The following GRK3 variants were observed in gnomAD, a reference collection of about 807,000 sequenced individuals.
The protein encoded by GRK3 is G protein-coupled receptor kinase 3.
In GRK3, 54 loss-of-function variants were observed where a neutral mutation model predicts 95.7. The ratio of observed to expected loss-of-function variants is 0.56; its 90% CI spans 0.45 to 0.71. The LOEUF (loss-of-function observed/expected upper bound fraction) is 0.71, where lower values mean the gene tolerates loss of function less well. GRK3 is among the 30% of genes least tolerant of loss of function. The probability of loss-of-function intolerance (pLI) is 0.00; values close to 1 mark genes in which losing one functional copy is unlikely to be tolerated. For synonymous variants in GRK3, 281 were observed against 290.8 expected (o/e 0.97, Z 0.34); for missense variants, 649 against 851.2 (o/e 0.76, Z 2.96).
intron 15 of GRK3, among the ~76,000 whole-genome samples, chr22:25,706,382 G>A (rs1214742672): frequency 6.6e-6 from 1 of 152,070 alleles, no homozygotes; most frequent in Non-Finnish European, 1.5e-5. Context: ...GTGGTGAGCT[G>A]GAGCTCAGCA....
chr22:25,722,206 C>T lies in GRK3; in HGVS notation c.1906-83C>T, dbSNP rs540111286. On this transcript the variant is annotated intron_variant, in intron 20 of 20. Coordinates refer to ENST00000324198, the MANE Select transcript of GRK3 (RefSeq NM_005160.4). ...GTGCTTCCTTCAGGGGTTCCAGGGA[C>T]GCTGGTAATCAATAGGGGCAGCCTC... 107 of 1,503,170 alleles carry T rather than the reference C, an allele frequency of 7.1e-5. 1 individual carries two copies. In the Admixed American group the frequency reaches 1.2e-3, roughly 16 times the overall value. The allele number at this position is 1,503,170 out of a possible 1,614,324, so 93.1% of individuals were successfully genotyped here. A position where few individuals can be genotyped will look rare whatever the true frequency, so the allele number is the denominator to read the frequency against.
intron 1 of GRK3, among the ~76,000 whole-genome samples, chr22:25,588,000 T>C (rs911310688): frequency 5.3e-5 from 8 of 152,208 alleles, no homozygotes; most frequent in Admixed American, 1.3e-4. Context: ...AGTTTCACCA[T>C]GTTGCCCAGG....
chr22:25,615,420 C>T (rs1228377590), intron 2 of GRK3, among the ~76,000 whole-genome samples: 1 of 152,132 alleles, frequency 6.6e-6, no homozygotes, highest in Non-Finnish European at 1.5e-5. Context: ...GCTGCATTGT[C>T]ATAATATCTT....
chr22:25,576,944 G>T (rs956770491), intron 1 of GRK3, among the ~76,000 whole-genome samples: 4 of 152,192 alleles, frequency 2.6e-5, no homozygotes, highest in Non-Finnish European at 4.4e-5. Context: ...TAGAAGAAAA[G>T]ATGTCATAGA....
intron 9 of GRK3, among the ~76,000 whole-genome samples, chr22:25,680,020 A>G (rs1377844244): frequency 1.3e-5 from 2 of 152,204 alleles, no homozygotes; most frequent in Non-Finnish European, 2.9e-5. Flanking sequence ...CTTTTTGGCC[A>G]GTGCTCCTTT....
At chr22:25,658,070 T>G (rs541860493) in intron 3 of GRK3, among the ~76,000 whole-genome samples, 6 of 152,346 alleles carry the variant, frequency 3.9e-5, no homozygotes, top group African/African-American at 1.4e-4. Context: ...ATCTTTTTAT[T>G]CGTTACATGA....
chr22:25,710,090 C>G (rs1430778892), intron 16 of GRK3, 126 bp downstream of exon 16: 1 of 740,050 alleles, frequency 1.4e-6, no homozygotes, highest in Admixed American at 1.9e-5. Context: ...TCCCCAGCAT[C>G]CCCACCACCC....
chr22:25,689,245 G>A (rs1470420808), intron 11 of GRK3, among the ~76,000 whole-genome samples: 1 of 152,056 alleles, frequency 6.6e-6, no homozygotes. Context: ...ATTTCCTTAT[G>A]CGAGCTTTGC....
chr22:25,718,437 G>A (rs919457041), intron 19 of GRK3, 56 bp downstream of exon 19: 2 of 1,569,454 alleles, frequency 1.3e-6, no homozygotes, highest in Admixed American at 1.8e-5. Flanking sequence ...ATGGCATATG[G>A]TTATTTCATG....
chr22:25,636,794 A>G (rs964147752), intron 2 of GRK3, among the ~76,000 whole-genome samples: 2 of 152,166 alleles, frequency 1.3e-5, no homozygotes, highest in African/African-American at 2.4e-5. Flanking sequence ...ATGTATATAT[A>G]TAGAATTACG....
chr22:25,676,565 C>T (rs1402292268), intron 8 of GRK3, among the ~76,000 whole-genome samples: 9 of 151,956 alleles, frequency 5.9e-5, no homozygotes, highest in Non-Finnish European at 1.2e-4. Context: ...GTCATGGGCG[C>T]CTCTAGTCCC....
At chr22:25,615,085 A>G (rs889017256) in intron 2 of GRK3, among the ~76,000 whole-genome samples, 3 of 152,238 alleles carry the variant, frequency 2.0e-5, no homozygotes, top group African/African-American at 7.2e-5. Context: ...CTGAGGCACG[A>G]ATTTAAATCC....
chr22:25,718,880 C>A (rs377317889), intron 19 of GRK3, among the ~76,000 whole-genome samples: 1 of 151,648 alleles, frequency 6.6e-6, no homozygotes, highest in African/African-American at 2.4e-5. Flanking sequence ...AGAAAATATG[C>A]GGGAAAAAGA....
chr22:25,610,965 G>T (rs572252077), intron 2 of GRK3, among the ~76,000 whole-genome samples: 1 of 152,228 alleles, frequency 6.6e-6, no homozygotes, highest in Admixed American at 6.5e-5. Flanking sequence ...GGGTTCAAAT[G>T]ATTCTCGTGC....
intron 2 of GRK3, among the ~76,000 whole-genome samples, chr22:25,620,009 TG>T (rs1569166761): frequency 0.036 from 3,331 of 92,516 alleles, 138 homozygotes; most frequent in Admixed American, 0.11. Flanking sequence ...GTCTTTTTTG[TG>T]TGTGTGTGTG....
intron 2 of GRK3, among the ~76,000 whole-genome samples, chr22:25,636,951 G>C (rs2084706442): frequency 6.6e-6 from 1 of 152,234 alleles, no homozygotes; most frequent in South Asian, 2.1e-4. Flanking sequence ...GGGTGTGTCT[G>C]TGAGGATGTT....
In GRK3 at chr22:25,565,007, G is replaced by A. The variant is rs1931397542; in HGVS notation, c.-34G>A. On this transcript the variant is annotated 5_prime_UTR_variant, in exon 1 of 21. Transcript: ENST00000324198. Reference sequence around the variant, plus strand: ...GGCGCGCGTCCCGTCCAGGTCCGGAGTAACCGCCGCCGCCGCCGCCAAAGC... The same window carrying A: ...GGCGCGCGTCCCGTCCAGGTCCGGAATAACCGCCGCCGCCGCCGCCAAAGC... The A allele has an allele frequency of 4.2e-6, 5 of 1,187,666 alleles. No homozygotes were observed. In the South Asian group the frequency reaches 6.9e-5, roughly 16 times the overall value. The allele number at this position is 1,187,666 out of a possible 1,614,324, so 73.6% of individuals were successfully genotyped here. A position where few individuals can be genotyped will look rare whatever the true frequency, so the allele number is the denominator to read the frequency against.
intron 2 of GRK3, among the ~76,000 whole-genome samples, chr22:25,636,660 A>G (rs1267057408): frequency 6.6e-6 from 1 of 152,216 alleles, no homozygotes; most frequent in African/African-American, 2.4e-5. Context: ...CTATCAAAAG[A>G]CAGAATATTT....
At chr22:25,630,725 C>T (rs533379187) in intron 2 of GRK3, among the ~76,000 whole-genome samples, 19 of 152,122 alleles carry the variant, frequency 1.2e-4, no homozygotes, top group Non-Finnish European at 2.5e-4. Flanking sequence ...CTGTTGGACT[C>T]TTAATATTCA....
Sources: gnomAD v4.1 joint callset for allele counts (sites outside exome capture counted in the v4.1 genomes callset) on GRCh38, gnomAD v4.1.1 for gene constraint, MANE v1.5 for transcripts, NCBI Gene and HGNC (gene_info 2026-07-23, HGNC 2026-07-21) for gene names.